FARS2: variants seen among roughly 807,000 people sequenced by gnomAD.
The protein encoded by FARS2 is phenylalanyl-tRNA synthetase 2, mitochondrial, also known as phenylalanine--tRNA ligase, mitochondrial.
In FARS2, 40 loss-of-function variants were observed where a neutral mutation model predicts 46.4. The observed-to-expected ratio is 0.86, with a 90% confidence interval of 0.67 to 1.12. The LOEUF (loss-of-function observed/expected upper bound fraction) is 1.12, where lower values mean the gene tolerates loss of function less well. Among genes scored for constraint, FARS2 ranks in the 50% most tolerant of loss-of-function variants. The pLI, the probability that FARS2 is intolerant of heterozygous loss-of-function variation, is 0.00. For missense variants in FARS2, 513 were observed against 567.9 expected (o/e 0.90, Z 0.98); for synonymous variants, 234 against 214.9 (o/e 1.09, Z -0.78).
chr6:5,359,173 G>A (rs1046037772), intron 1 of FARS2, among the ~76,000 whole-genome samples: 7 of 151,484 alleles, frequency 4.6e-5, no homozygotes, highest in African/African-American at 1.7e-4. Flanking sequence ...CCCAGTAGCT[G>A]GAATTACAGG....
chr6:5,384,091 G>C lies in FARS2; in HGVS notation c.612+14909G>C, dbSNP rs80133340. Among the ~76,000 whole-genome samples, 26 of 152,102 alleles carry C rather than the reference G, an allele frequency of 1.7e-4. No homozygotes were observed. In the East Asian group the frequency reaches 4.1e-3, roughly 24 times the overall value. On this transcript the variant is annotated intron_variant, in intron 2 of 6. Transcript: ENST00000274680. The stretch of plus-strand genomic sequence containing the variant: ...TGAGAACCAGTTCACACCAGAATGG[G>C]GTGTTTTTTGTTGTTGTCATTGTGC...
intron 1 of FARS2, among the ~76,000 whole-genome samples, chr6:5,286,638 A>G (rs902068060): frequency 6.6e-6 from 1 of 152,188 alleles, no homozygotes; most frequent in African/African-American, 2.4e-5. Context: ...TAAATTACGT[A>G]TATGTGTATG....
intron 1 of FARS2, among the ~76,000 whole-genome samples, chr6:5,315,388 A>G (rs1186701283): frequency 1.3e-5 from 2 of 152,234 alleles, no homozygotes; most frequent in Non-Finnish European, 2.9e-5. Flanking sequence ...AAAGAACTCC[A>G]CAGTGAAATC....
intron 4 of FARS2, among the ~76,000 whole-genome samples, chr6:5,484,358 G>T (rs564968051): frequency 6.6e-6 from 1 of 152,232 alleles, no homozygotes; most frequent in South Asian, 2.1e-4. Flanking sequence ...AATCAGAATC[G>T]TGTGAATATT....
intron 4 of FARS2, among the ~76,000 whole-genome samples, chr6:5,541,446 C>G (rs566942032): frequency 6.6e-6 from 1 of 152,270 alleles, no homozygotes; most frequent in East Asian, 1.9e-4. Flanking sequence ...ATTTCCATCT[C>G]CTGGAAAAGT....
At chr6:5,425,231 T>A (rs1295335712) in intron 3 of FARS2, among the ~76,000 whole-genome samples, 1 of 134,586 alleles carries the variant, frequency 7.4e-6, no homozygotes, top group African/African-American at 2.7e-5. Flanking sequence ...AAATCACTGG[T>A]ATATGCTCTA....
At chr6:5,542,052 A>C (rs1582401722) in intron 4 of FARS2, among the ~76,000 whole-genome samples, 1 of 152,330 alleles carries the variant, frequency 6.6e-6, no homozygotes, top group Admixed American at 6.5e-5. Context: ...GAGGAGGACC[A>C]CAGGCCACTT....
intron 5 of FARS2, among the ~76,000 whole-genome samples, chr6:5,552,641 T>C (rs1289173688): frequency 6.6e-6 from 1 of 152,234 alleles, no homozygotes; most frequent in East Asian, 1.9e-4. Flanking sequence ...TGTTTAAATC[T>C]AGTCGGTAAG....
At position 5,681,240 on chromosome 6, in the gene FARS2, T is replaced by A. The variant is rs117404313; in HGVS notation, c.1217+67920T>A. Among the ~76,000 whole-genome samples the A allele has an allele frequency of 3.5e-4, 54 of 152,126 alleles. 5 individuals carry two copies. In the East Asian group the frequency reaches 0.01, roughly 29 times the overall value. Reference sequence around the variant, plus strand: ...TATTGAGAAACAAATACATTATAGTTTATTCATCTGGACAAGGAACTATTT... The same window carrying A: ...TATTGAGAAACAAATACATTATAGTATATTCATCTGGACAAGGAACTATTT... On this transcript the variant is annotated intron_variant, in intron 6 of 6. Transcript: ENST00000274680.
chr6:5,341,824 T>G (rs1561970643), intron 1 of FARS2, among the ~76,000 whole-genome samples: 5 of 152,184 alleles, frequency 3.3e-5, no homozygotes. Flanking sequence ...TGGCTAATTT[T>G]TATCATAACT....
At chr6:5,549,929 T>G (rs1210095199) in intron 5 of FARS2, among the ~76,000 whole-genome samples, 1 of 152,172 alleles carries the variant, frequency 6.6e-6, no homozygotes, top group Admixed American at 6.5e-5. Flanking sequence ...AAATGTCATC[T>G]AAATATCATC....
chr6:5,260,567 G>T, upstream of FARS2: 1 of 1,508,384 alleles, frequency 6.6e-7, no homozygotes, highest in Non-Finnish European at 8.9e-7. Context: ...CCCAGTCCCC[G>T]GGGATATTCC....
intron 3 of FARS2, among the ~76,000 whole-genome samples, chr6:5,429,072 G>T (rs1007900090): frequency 1.3e-5 from 2 of 152,146 alleles, no homozygotes; most frequent in Non-Finnish European, 1.5e-5. Context: ...CTACAGATGT[G>T]GGGGGTCAGG....
chr6:5,596,190 C>T (rs1212956593), intron 5 of FARS2, among the ~76,000 whole-genome samples: 1 of 152,070 alleles, frequency 6.6e-6, no homozygotes, highest in African/African-American at 2.4e-5. Context: ...TCAGGGAGGC[C>T]GTCAGGAAGA....
intron 4 of FARS2, among the ~76,000 whole-genome samples, chr6:5,469,468 A>C (rs1765693408): frequency 6.6e-6 from 1 of 150,534 alleles, no homozygotes; most frequent in African/African-American, 2.4e-5. Flanking sequence ...AGCTGAGAAA[A>C]CTCCTTCTCC....
At chr6:5,530,442 G>C (rs1170469164) in intron 4 of FARS2, among the ~76,000 whole-genome samples, 1 of 152,106 alleles carries the variant, frequency 6.6e-6, no homozygotes, top group African/African-American at 2.4e-5. Context: ...ACAAGGACAT[G>C]ATTGGCAAAA....
rs58240492 is a variant in FARS2, at chr6:5,457,691, C to A, written c.904+26519C>A. ...GCCTGAAATAAACAGAATTTAATTCCTGGATAGTTGAATTTGAGAGGTGGA... is the reference window on the plus strand; with the variant it reads ...GCCTGAAATAAACAGAATTTAATTCATGGATAGTTGAATTTGAGAGGTGGA... On this transcript the variant is annotated intron_variant, in intron 4 of 6. Transcript: ENST00000274680. Among the ~76,000 whole-genome samples, 1,163 of 152,180 alleles carry A rather than the reference C, an allele frequency of 7.6e-3. 15 individuals are homozygous for A. The highest frequency in any genetic ancestry group is 0.026 in the African/African-American group (1,071 of 41,512).
At chr6:5,462,299 T>C (rs1336821332) in intron 4 of FARS2, among the ~76,000 whole-genome samples, 2 of 152,154 alleles carry the variant, frequency 1.3e-5, no homozygotes, top group Non-Finnish European at 2.9e-5. Context: ...AGATATAAGA[T>C]CTTTATTATA....
At chr6:5,374,067 A>C (rs138081594) in intron 2 of FARS2, among the ~76,000 whole-genome samples, 2 of 152,070 alleles carry the variant, frequency 1.3e-5, no homozygotes, top group Admixed American at 1.3e-4. Context: ...ACATATTGAA[A>C]TACCTAAGGG....
Sources: allele counts gnomAD v4.1 joint callset (sites outside exome capture counted in the v4.1 genomes callset), GRCh38; gene constraint gnomAD v4.1.1; transcripts MANE v1.5; gene names NCBI Gene and HGNC (gene_info 2026-07-23, HGNC 2026-07-21).